Variants in RBM19 observed in about 807,000 individuals in gnomAD.
RBM19 encodes probable RNA-binding protein 19.
RBM19 carries 94 observed loss-of-function variants against 116.8 expected under a neutral mutation model. That is an observed-to-expected ratio of 0.80 (90% CI 0.68 to 0.95). The LOEUF (loss-of-function observed/expected upper bound fraction) is 0.95, where lower values mean the gene tolerates loss of function less well. RBM19 is among the 40% of genes least tolerant of loss of function. The probability of loss-of-function intolerance (pLI) is 0.00; values close to 1 mark genes in which losing one functional copy is unlikely to be tolerated. For synonymous variants in RBM19, 475 were observed against 494.1 expected, an observed-to-expected ratio of 0.96 and a Z score of 0.51; for missense variants, 1,161 against 1,220.7, an observed-to-expected ratio of 0.95 and a Z score of 0.73.
intron 23 of RBM19, among the ~76,000 whole-genome samples, chr12:113,837,341 G>A (rs781275515): frequency 6.6e-6 from 1 of 151,472 alleles, no homozygotes; most frequent in Non-Finnish European, 1.5e-5. Flanking sequence ...CCTTTGCCCA[G>A]AGAGCATCCT....
At chr12:113,924,566 TC>T (rs1868884218) in intron 18 of RBM19, 130 bp downstream of exon 18, 2 of 823,220 alleles carry the variant, frequency 2.4e-6, no homozygotes, top group South Asian at 2.9e-5. Context: ...TGACCATGCT[TC>T]AGAAAAAAGA....
rs1881042472 is a variant in RBM19 at position 113,892,697 on chromosome 12, C to A, written c.2558+22272G>T. On this transcript the variant is annotated intron_variant, in intron 21 of 23. Transcript: ENST00000261741. ...GACGGGGAAGAGAGAATGCAGACAG[C>A]CACTCAAAAGGTTTATTAAAAGTGA... Among the ~76,000 whole-genome samples, 6 of 152,248 alleles carry A rather than the reference C, an allele frequency of 3.9e-5. No homozygotes were observed. The South Asian group carries it at 1.2e-3, about 32-fold the overall frequency.
intron 21 of RBM19, among the ~76,000 whole-genome samples, chr12:113,877,524 A>G (rs1879757089): frequency 6.6e-6 from 1 of 152,188 alleles, no homozygotes; most frequent in African/African-American, 2.4e-5. Context: ...AGCCTCCTGG[A>G]TGCGTCCATA....
At chr12:113,846,367 G>A (rs558500396) in intron 22 of RBM19, among the ~76,000 whole-genome samples, 1 of 152,296 alleles carries the variant, frequency 6.6e-6, no homozygotes, top group Admixed American at 6.5e-5. Flanking sequence ...ACCCTGTCCC[G>A]CAAGAGGGGC....
chr12:113,821,604 G>A (rs967163467), downstream of RBM19, among the ~76,000 whole-genome samples: 8 of 152,164 alleles, frequency 5.3e-5, no homozygotes, highest in African/African-American at 1.9e-4. Context: ...GTGACTCTGT[G>A]AGCCACCCCA....
At chr12:113,947,531 G>A in intron 10 of RBM19, 67 bp from the exon 11 acceptor site, 5 of 1,520,384 alleles carry the variant, frequency 3.3e-6, no homozygotes, top group Middle Eastern at 1.8e-4. Context: ...AGAATGTGGT[G>A]AGCACCAGCT....
At chr12:113,895,320 C>T (rs942053817) in intron 21 of RBM19, among the ~76,000 whole-genome samples, 1 of 152,096 alleles carries the variant, frequency 6.6e-6, no homozygotes, top group Non-Finnish European at 1.5e-5. Flanking sequence ...GATGATGGGG[C>T]AGGGAAGGTG....
chr12:113,845,025 G>T (rs1158461920), intron 22 of RBM19, among the ~76,000 whole-genome samples: 1 of 152,214 alleles, frequency 6.6e-6, no homozygotes, highest in Non-Finnish European at 1.5e-5. Context: ...TGCCGTCTGG[G>T]CTGTAATTGG....
intron 23 of RBM19, among the ~76,000 whole-genome samples, chr12:113,832,259 G>A (rs532309622): frequency 1.3e-5 from 2 of 150,460 alleles, no homozygotes; most frequent in Non-Finnish European, 3.0e-5. Context: ...GTGTGATCTC[G>A]GCTCACTGCA....
chr12:113,940,130 G>C lies in RBM19; in HGVS notation c.1768C>G (p.Leu590Val), dbSNP rs751382773. ...GTGCCTGCCGGGAGGTTCTTGACCA[G>C]AATCACAGTCTTGCTTCGCTCTGCT... is the stretch of plus-strand genomic sequence containing the variant. ...AAAERSKTVI[L>V]VKNLPAGTLA... Residue 590 changes from leucine (L) to valine (V), a missense_variant, in exon 15 of 24, where the codon CTG becomes GTG. Coordinates refer to ENST00000261741, the MANE Select transcript of RBM19 (RefSeq NM_016196.4). 1 of 1,614,098 alleles carries C rather than the reference G, an allele frequency of 6.2e-7. No individual in the cohort carries two copies. The highest frequency in any genetic ancestry group is 1.1e-5 in the South Asian group (1 of 91,056).
At chr12:113,966,059 C>G in intron 1 of RBM19, 133 bp downstream of exon 1, 1 of 997,334 alleles carries the variant, frequency 1.0e-6, no homozygotes, top group South Asian at 1.4e-5. Flanking sequence ...ATCCCGCCCC[C>G]TTTGAGTTCA....
chr12:113,823,378 C>T, intron 23 of RBM19, 57 bp from the exon 24 acceptor site: 1 of 1,487,300 alleles, frequency 6.7e-7, no homozygotes, highest in Non-Finnish European at 9.3e-7. Context: ...GGTTGGGAGG[C>T]AGGAAGAGAG....
At chr12:113,912,431 T>C (rs151302056) in intron 21 of RBM19, among the ~76,000 whole-genome samples, 79 of 152,320 alleles carry the variant, frequency 5.2e-4, no homozygotes, top group African/African-American at 1.9e-3. Context: ...CAGTTCCTTC[T>C]AGACCCAAGA....
At chr12:113,838,171 G>C (rs570193590) in intron 23 of RBM19, among the ~76,000 whole-genome samples, 3 of 152,154 alleles carry the variant, frequency 2.0e-5, no homozygotes, top group Non-Finnish European at 4.4e-5. Flanking sequence ...GTAGGGCACC[G>C]ATCACACACA....
intron 23 of RBM19, among the ~76,000 whole-genome samples, chr12:113,839,991 G>A (rs1367372562): frequency 6.6e-6 from 1 of 152,054 alleles, no homozygotes; most frequent in Middle Eastern, 3.2e-3. Context: ...TGCCACACAC[G>A]CAGACACAAA....
chr12:113,830,932 C>A (rs762166953), intron 23 of RBM19, among the ~76,000 whole-genome samples: 3 of 152,136 alleles, frequency 2.0e-5, no homozygotes, highest in Non-Finnish European at 2.9e-5. Context: ...TGTGTAAGTG[C>A]AAAGGCTCGA....
At chr12:113,913,096 C>T (rs1882548279) in intron 21 of RBM19, among the ~76,000 whole-genome samples, 1 of 152,142 alleles carries the variant, frequency 6.6e-6, no homozygotes, top group South Asian at 2.1e-4. Flanking sequence ...TACATGAGAT[C>T]ACACAAAGTG....
Position 113,950,094 on chromosome 12 carries a change from C to G in RBM19, c.1061G>C (p.Arg354Pro). The G allele has an allele frequency of 6.2e-7, 1 of 1,606,958 alleles. No homozygotes were observed. The highest frequency in any genetic ancestry group is 8.5e-7 in the Non-Finnish European group (1 of 1,173,576). Residue 354 changes from arginine (R) to proline (P), a missense_variant, in exon 9 of 24, where the codon CGG becomes CCG. Transcript: ENST00000261741. ...EEVKQALKCN[R>P]EYMGGRYIEV... ...CAGGGCTTCCTTACCCATGTACTCC[C>G]GGTTGCATTTCAGAGCTTGCTTCAC... is the stretch of plus-strand genomic sequence containing the variant.
At chr12:113,955,306 TG>T in intron 6 of RBM19, 95 bp from the exon 7 acceptor site, 1 of 1,221,334 alleles carries the variant, frequency 8.2e-7, no homozygotes, top group Non-Finnish European at 1.2e-6. Context: ...CCAGAGAAGG[TG>T]CCTGCCGCCA....
Sources: gnomAD v4.1 joint callset for allele counts (sites outside exome capture counted in the v4.1 genomes callset) on GRCh38, gnomAD v4.1.1 for gene constraint, MANE v1.5 for transcripts, NCBI Gene and HGNC (gene_info 2026-07-23, HGNC 2026-07-21) for gene names.